Variants in UBE2E1 observed in about 807,000 individuals in gnomAD.
UBE2E1 encodes the protein ubiquitin conjugating enzyme E2 E1, also known as ubiquitin-conjugating enzyme E2 E1.
Under a neutral mutation model 21.4 loss-of-function variants are expected in UBE2E1, and 6 were observed. The ratio of observed to expected loss-of-function variants is 0.28; its 90% CI spans 0.15 to 0.55. UBE2E1 has a LOEUF of 0.55. Among genes scored for constraint, UBE2E1 ranks in the 20% least tolerant of loss-of-function variants. UBE2E1 has a pLI of 0.93. For missense variants in UBE2E1, 142 were observed against 236.5 expected, an observed-to-expected ratio of 0.60 and a Z score of 2.62; for synonymous variants, 87 against 82.7, an observed-to-expected ratio of 1.05 and a Z score of -0.28.
intron 3 of UBE2E1, among the ~76,000 whole-genome samples, chr3:23,884,545 T>C (rs1701132375): frequency 6.6e-6 from 1 of 152,232 alleles, no homozygotes; most frequent in Admixed American, 6.5e-5. Context: ...ATCACCAATT[T>C]TCTGTACAAT....
chr3:23,879,818 A>G (rs1171877964), intron 3 of UBE2E1, among the ~76,000 whole-genome samples: 2 of 152,232 alleles, frequency 1.3e-5, no homozygotes, highest in African/African-American at 4.8e-5. Context: ...TTTCTAGGGT[A>G]TGACAGCAGA....
rs987265095 is a variant in UBE2E1, at chr3:23,810,567, G to T, written c.153-893G>T. 2.4e-5 allele frequency: 36 copies of T among 1,521,126 alleles called. No individual in the cohort carries two copies. Among genetic ancestry groups the T allele is most frequent in the Non-Finnish European group, 3.0e-5 (34 of 1,137,566 alleles). 94.2% of individuals were successfully genotyped at this position (1,521,126 alleles called of 1,614,324 possible). On this transcript the variant is annotated intron_variant, in intron 2 of 5. Coordinates refer to ENST00000306627, the MANE Select transcript of UBE2E1 (RefSeq NM_003341.5). The surrounding 1 kb of genome is among the most constrained non-coding windows in gnomAD (Gnocchi z 5.8). ...GGCCGAGAGTCCCGGCCAGCGTGCGGGGCGGAGGCAGGGTCCGGTGCACCT... is the reference window on the plus strand; with the variant it reads ...GGCCGAGAGTCCCGGCCAGCGTGCGTGGCGGAGGCAGGGTCCGGTGCACCT...
At chr3:23,862,266 T>C (rs1700575051) in intron 3 of UBE2E1, among the ~76,000 whole-genome samples, 1 of 152,238 alleles carries the variant, frequency 6.6e-6, no homozygotes, top group Admixed American at 6.5e-5. Flanking sequence ...TGGTCTCATT[T>C]AATCTTTCAG....
chr3:23,856,563 A>T (rs1356246609), intron 3 of UBE2E1, among the ~76,000 whole-genome samples: 2 of 152,140 alleles, frequency 1.3e-5, no homozygotes, highest in Non-Finnish European at 2.9e-5. Context: ...TCGGATTGTG[A>T]CTTTGCTTTC....
intron 4 of UBE2E1, among the ~76,000 whole-genome samples, chr3:23,888,057 G>A (rs1353838603): frequency 6.6e-6 from 1 of 152,164 alleles, no homozygotes; most frequent in Non-Finnish European, 1.5e-5. Flanking sequence ...CTGTAGTCCA[G>A]CTACTTGGGA....
intron 3 of UBE2E1, among the ~76,000 whole-genome samples, chr3:23,834,611 CT>C (rs1367814028): frequency 1.3e-5 from 2 of 152,202 alleles, no homozygotes; most frequent in Non-Finnish European, 2.9e-5. Flanking sequence ...AGCCTGTAAT[CT>C]TAGTGCTTTG....
At chr3:23,834,495 C>G (rs1699936839) in intron 3 of UBE2E1, among the ~76,000 whole-genome samples, 1 of 152,196 alleles carries the variant, frequency 6.6e-6, no homozygotes, top group African/African-American at 2.4e-5. Context: ...TCTAACCTTC[C>G]TTCCTCCTGT....
At chr3:23,851,156 C>G (rs1369757483) in intron 3 of UBE2E1, among the ~76,000 whole-genome samples, 1 of 152,116 alleles carries the variant, frequency 6.6e-6, no homozygotes, top group African/African-American at 2.4e-5. Flanking sequence ...ACTATTCTGT[C>G]TCCATTGAGC....
chr3:23,826,982 G>T (rs753414437), intron 3 of UBE2E1, among the ~76,000 whole-genome samples: 1 of 152,088 alleles, frequency 6.6e-6, no homozygotes, highest in African/African-American at 2.4e-5. Flanking sequence ...TTGCAGAAGG[G>T]TCATTTGTCT....
At position 23,806,619 on chromosome 3, in the gene UBE2E1, C is replaced by G. The variant is rs1389099248; in HGVS notation, c.-34+531C>G. On this transcript the variant is annotated intron_variant, in intron 1 of 5. Coordinates refer to ENST00000306627, the MANE Select transcript of UBE2E1 (RefSeq NM_003341.5). The surrounding 1 kb of genome is among the most constrained non-coding windows in gnomAD (Gnocchi z 6.5). The stretch of plus-strand genomic sequence containing the variant: ...TGTGAGCAGGGCGGCCAGAGGCAGG[C>G]AGGCCGGGAGGGGCGTCGGGGCGCG... Among the ~76,000 whole-genome samples, 5 of 151,722 alleles carry G rather than the reference C, an allele frequency of 3.3e-5. No individual in the cohort carries two copies. The highest frequency in any genetic ancestry group is 7.4e-5 in the Non-Finnish European group (5 of 67,748).
chr3:23,812,404 A>G (rs918112184), intron 3 of UBE2E1, among the ~76,000 whole-genome samples: 6 of 152,230 alleles, frequency 3.9e-5, no homozygotes, highest in African/African-American at 1.4e-4. Flanking sequence ...GTTACTGACA[A>G]AGTATTCAGC....
intron 3 of UBE2E1, among the ~76,000 whole-genome samples, chr3:23,864,460 C>T (rs1700613305): frequency 6.6e-6 from 1 of 150,782 alleles, no homozygotes; most frequent in Admixed American, 6.6e-5. Flanking sequence ...TCTTTTCTCT[C>T]CTATTTGCAG....
chr3:23,878,673 C>T (rs1215775846), intron 3 of UBE2E1, among the ~76,000 whole-genome samples: 1 of 152,160 alleles, frequency 6.6e-6, no homozygotes, highest in Non-Finnish European at 1.5e-5. Context: ...GTGAACTGCT[C>T]ATGTGAGGGA....
At chr3:23,871,558 C>T (rs1159599047) in intron 3 of UBE2E1, among the ~76,000 whole-genome samples, 13 of 150,128 alleles carry the variant, frequency 8.7e-5, no homozygotes, top group East Asian at 8.2e-4. Flanking sequence ...CGGGCGGAGA[C>T]GCTCCTCACT....
chr3:23,862,402 A>C (rs1230448628), intron 3 of UBE2E1, among the ~76,000 whole-genome samples: 4 of 152,158 alleles, frequency 2.6e-5, no homozygotes, highest in African/African-American at 9.7e-5. Flanking sequence ...ATACCATTAC[A>C]CTGTGAAACC....
At chr3:23,847,990 C>T (rs1559484090) in intron 3 of UBE2E1, among the ~76,000 whole-genome samples, 1 of 152,106 alleles carries the variant, frequency 6.6e-6, no homozygotes, top group Non-Finnish European at 1.5e-5. Flanking sequence ...CCCCTACCTC[C>T]TTTTTTAAAT....
chr3:23,807,364 A>C lies in UBE2E1; in HGVS notation c.95A>C (p.Lys32Thr). The C allele has an allele frequency of 3.7e-6, 6 of 1,613,988 alleles. No individual in the cohort carries two copies. Among genetic ancestry groups the C allele is most frequent in the Non-Finnish European group, 5.1e-6 (6 of 1,179,956 alleles). The change falls in exon 2 of 6, where the codon AAG (lysine) becomes ACG (threonine). Residue 32 changes from lysine (K) to threonine (T), a missense_variant. Coordinates refer to ENST00000306627, the MANE Select transcript of UBE2E1 (RefSeq NM_003341.5). ...TEKETNTPKK[K>T]ESKVSMSKNS... ...AAAGAAACAAACACCCCCAAGAAGA[A>C]GGAGAGTAAAGTCAGCATGAGCAAA...
intron 3 of UBE2E1, among the ~76,000 whole-genome samples, chr3:23,856,066 C>T (rs1470857521): frequency 6.6e-6 from 1 of 152,080 alleles, no homozygotes; most frequent in African/African-American, 2.4e-5. Context: ...GAGTCTCGCT[C>T]TGTAGCCCAG....
At position 23,889,417 on chromosome 3, in the gene UBE2E1, A is replaced by G. The variant is rs754937749; in HGVS notation, c.484+158A>G. 4.1e-4 allele frequency: 599 copies of G among 1,471,400 alleles called. 1 individual carries two copies. The highest frequency in any genetic ancestry group is 4.6e-4 in the Non-Finnish European group (513 of 1,119,548). The allele number at this position is 1,471,400 out of a possible 1,614,324, so 91.1% of individuals were successfully genotyped here. ...AGAAAGTTTTAATCAAGTTCAGTCT[A>G]CTAGTTGAGACACACAACTTCATTA... On this transcript the variant is annotated intron_variant, in intron 5 of 5. Transcript: ENST00000306627.
Sources: allele counts gnomAD v4.1 joint callset (sites outside exome capture counted in the v4.1 genomes callset), GRCh38; gene constraint gnomAD v4.1.1; non-coding constraint Gnocchi (gnomAD v3.1); transcripts MANE v1.5; gene names NCBI Gene and HGNC (gene_info 2026-07-23, HGNC 2026-07-21).